The following MTA3 variants were observed in gnomAD, a reference collection of about 807,000 sequenced individuals.
MTA3 encodes the protein metastasis-associated protein MTA3.
A neutral mutation model predicts 83.5 loss-of-function variants in MTA3; 34 were observed. That is an observed-to-expected ratio of 0.41 (90% CI 0.31 to 0.54). The LOEUF is 0.54. MTA3 is among the 20% of genes least tolerant of loss of function. The pLI, the probability that MTA3 is intolerant of heterozygous loss-of-function variation, is 0.33. For missense variants in MTA3, 761 were observed against 726.4 expected, an observed-to-expected ratio of 1.05 and a Z score of -0.55; for synonymous variants, 303 against 252.7, an observed-to-expected ratio of 1.20 and a Z score of -1.89.
intron 2 of MTA3, among the ~76,000 whole-genome samples, chr2:42,546,839 A>C (rs539996760): frequency 6.6e-6 from 1 of 152,316 alleles, no homozygotes; most frequent in Admixed American, 6.5e-5. Context: ...GAAATAGGAC[A>C]TGTGGGCAGA....
At chr2:42,554,182 C>T (rs930185190) in intron 2 of MTA3, among the ~76,000 whole-genome samples, 8 of 147,176 alleles carry the variant, frequency 5.4e-5, no homozygotes, top group Non-Finnish European at 1.1e-4. Flanking sequence ...TGCAGTGAGC[C>T]GAGATCACGT....
intron 11 of MTA3, 143 bp from the exon 12 acceptor site, chr2:42,704,051 G>C (rs2104494590): frequency 1.0e-6 from 1 of 961,872 alleles, no homozygotes; most frequent in South Asian, 1.8e-5. Context: ...TAACACCTTG[G>C]TTTTACCAGT....
intron 2 of MTA3, among the ~76,000 whole-genome samples, chr2:42,554,735 C>T (rs1291101906): frequency 6.6e-6 from 1 of 152,164 alleles, no homozygotes; most frequent in African/African-American, 2.4e-5. Flanking sequence ...GACATGCTCC[C>T]TCACAGCCTC....
intron 14 of MTA3, among the ~76,000 whole-genome samples, chr2:42,713,950 G>A (rs748454157): frequency 6.6e-6 from 1 of 152,134 alleles, no homozygotes. Flanking sequence ...AAAAGTTAAA[G>A]TTGGGGCCAA....
In MTA3 at chr2:42,553,599, G is replaced by T. The variant is rs1320080014; in HGVS notation, c.-140-16838G>T. Among the ~76,000 whole-genome samples the T allele has an allele frequency of 2.7e-5, 4 of 150,712 alleles. No homozygotes were observed. In the East Asian group the frequency reaches 7.9e-4, roughly 30 times the overall value. On this transcript the variant is annotated intron_variant, in intron 2 of 17. Coordinates refer to the MTA3 transcript ENST00000405592. ...AAAAATACAAAATTAACCGAGTATG[G>T]TGGCGCATGCCTGTAATCCCAGCTA...
At chr2:42,692,844 T>C (rs1272831577) in intron 9 of MTA3, among the ~76,000 whole-genome samples, 1 of 152,238 alleles carries the variant, frequency 6.6e-6, no homozygotes, top group East Asian at 1.9e-4. Context: ...TGCTTGTAGA[T>C]GTTCGTTAGT....
intron 2 of MTA3, among the ~76,000 whole-genome samples, chr2:42,557,109 G>A (rs933405247): frequency 6.6e-6 from 1 of 152,060 alleles, no homozygotes; most frequent in Non-Finnish European, 1.5e-5. Flanking sequence ...CAGGTGAGGT[G>A]GCTCACGCCT....
At chr2:42,496,315 A>G (rs1674129950) in intron 2 of MTA3, among the ~76,000 whole-genome samples, 3 of 152,336 alleles carry the variant, frequency 2.0e-5, no homozygotes, top group East Asian at 3.9e-4. Flanking sequence ...TTTTAATATC[A>G]TCAACCACTG....
intron 2 of MTA3, among the ~76,000 whole-genome samples, chr2:42,546,140 A>AC (rs1441675192): frequency 2.6e-5 from 4 of 152,118 alleles, no homozygotes; most frequent in African/African-American, 9.7e-5. Context: ...TTAATAAGAA[A>AC]CCATTAACTT....
intron 3 of MTA3, among the ~76,000 whole-genome samples, chr2:42,608,574 T>C (rs1683787141): frequency 6.6e-6 from 1 of 152,196 alleles, no homozygotes; most frequent in Admixed American, 6.5e-5. Flanking sequence ...AACAAGAGCA[T>C]TATATTTGAT....
intron 2 of MTA3, among the ~76,000 whole-genome samples, chr2:42,518,986 C>G (rs1416071745): frequency 1.1e-5 from 1 of 91,528 alleles, no homozygotes; most frequent in East Asian, 2.8e-4. Flanking sequence ...CACACACACA[C>G]ACACACACAC....
At position 42,549,187 on chromosome 2, in the gene MTA3, AAT is replaced by A. The variant is rs1006280862; in HGVS notation, c.-140-21241_-140-21240del. 2.9e-5 allele frequency among the ~76,000 whole-genome samples: 4 copies of A among 136,856 alleles called. No homozygotes were observed. The South Asian group carries it at 6.4e-4, about 22-fold the overall frequency. 89.8% of individuals were successfully genotyped at this position (136,856 alleles called of 152,430 possible). A position where few individuals can be genotyped will look rare whatever the true frequency, so the allele number is the denominator to read the frequency against. ...AAACTCCATCTTAAAATATATATAT[AAT>A]ATATATATGTATATAATATATTATA... On this transcript the variant is annotated intron_variant, in intron 2 of 17. Transcript: ENST00000405592.
intron 4 of MTA3, among the ~76,000 whole-genome samples, chr2:42,634,001 C>T (rs962957698): frequency 6.6e-6 from 1 of 152,190 alleles, no homozygotes; most frequent in African/African-American, 2.4e-5. Flanking sequence ...GATTCTCAAC[C>T]GGGAGTGATA....
chr2:42,571,555 T>G (rs1222245232), intron 2 of MTA3, among the ~76,000 whole-genome samples: 1 of 152,200 alleles, frequency 6.6e-6, no homozygotes, highest in Non-Finnish European at 1.5e-5. Context: ...TCAGACCCTT[T>G]TTATGTTTAG....
intron 2 of MTA3, among the ~76,000 whole-genome samples, chr2:42,578,290 T>G (rs1344068372): frequency 2.6e-5 from 4 of 152,176 alleles, no homozygotes; most frequent in African/African-American, 9.6e-5. Flanking sequence ...CTCTCAGAAT[T>G]CTAGAGAATA....
At chr2:42,632,589 G>C (rs1170759107) in intron 4 of MTA3, among the ~76,000 whole-genome samples, 2 of 151,972 alleles carry the variant, frequency 1.3e-5, no homozygotes, top group African/African-American at 4.8e-5. Context: ...ATCAAGAGAA[G>C]GATATTTTTC....
chr2:42,691,392 CT>C (rs1047070149), intron 9 of MTA3, among the ~76,000 whole-genome samples: 13 of 152,152 alleles, frequency 8.5e-5, no homozygotes, highest in African/African-American at 2.7e-4. Context: ...ACATCCCCCC[CT>C]AAAACTTAAT....
At chr2:42,520,586 T>C (rs2103692002) in intron 2 of MTA3, among the ~76,000 whole-genome samples, 1 of 152,180 alleles carries the variant, frequency 6.6e-6, no homozygotes, top group Non-Finnish European at 1.5e-5. Context: ...TTCCTCCTTT[T>C]TTTTTTCTTT....
chr2:42,603,035 G>GT (rs1222621544), intron 3 of MTA3, among the ~76,000 whole-genome samples: 1 of 151,832 alleles, frequency 6.6e-6, no homozygotes, highest in Non-Finnish European at 1.5e-5. Flanking sequence ...AGGATGGACT[G>GT]TAATTCAGGG....
Sources: gnomAD v4.1 joint callset for allele counts (sites outside exome capture counted in the v4.1 genomes callset) on GRCh38, gnomAD v4.1.1 for gene constraint, MANE v1.5 for transcripts, NCBI Gene and HGNC (gene_info 2026-07-23, HGNC 2026-07-21) for gene names.